Variants in DLGAP2 observed in about 807,000 individuals in gnomAD.
The protein encoded by DLGAP2 is DLG associated protein 2.
Under a neutral mutation model 100.3 loss-of-function variants are expected in DLGAP2, and 26 were observed. That is an observed-to-expected ratio of 0.26 (90% CI 0.19 to 0.36). The LOEUF (loss-of-function observed/expected upper bound fraction) is 0.36, where lower values mean the gene tolerates loss of function less well. Ranked by LOEUF, DLGAP2 falls within the 10% of genes least tolerant of loss-of-function variation. The probability of loss-of-function intolerance (pLI) is 1.00; values close to 1 mark genes in which losing one functional copy is unlikely to be tolerated. For missense variants in DLGAP2, 1,858 were observed against 1,453.2 expected, an observed-to-expected ratio of 1.28 and a Z score of -4.53; for synonymous variants, 886 against 630.1, an observed-to-expected ratio of 1.41 and a Z score of -6.08.
intron 2 of DLGAP2, among the ~76,000 whole-genome samples, chr8:967,765 G>GTATATATATATATATACA (rs1262660337): frequency 5.7e-5 from 3 of 52,638 alleles, no homozygotes; most frequent in African/African-American, 2.0e-4. Context: ...ACAAAGAGGT[G>GTATATATATATATATACA]TATATATATA....
chr8:1,685,027 C>T (rs1281505244), intron 12 of DLGAP2, among the ~76,000 whole-genome samples: 5 of 152,134 alleles, frequency 3.3e-5, no homozygotes, highest in Non-Finnish European at 5.9e-5. Context: ...TAGGGATTTG[C>T]TCACTAAGTT....
At chr8:1,426,139 A>C (rs1467639726) in intron 3 of DLGAP2, among the ~76,000 whole-genome samples, 1 of 152,114 alleles carries the variant, frequency 6.6e-6, no homozygotes, top group Non-Finnish European at 1.5e-5. Context: ...CTGCTGGAGA[A>C]ACTCACCTCA....
At chr8:932,145 G>A (rs946954634) in intron 2 of DLGAP2, among the ~76,000 whole-genome samples, 7 of 152,150 alleles carry the variant, frequency 4.6e-5, no homozygotes, top group African/African-American at 7.2e-5. Flanking sequence ...TGTTTTTGTC[G>A]ACAAACCTTT....
intron 3 of DLGAP2, among the ~76,000 whole-genome samples, chr8:1,440,966 A>C (rs1797812996): frequency 6.6e-6 from 1 of 152,242 alleles, no homozygotes; most frequent in Admixed American, 6.5e-5. Flanking sequence ...ACGTAAGTCT[A>C]CATGAAACCC....
At chr8:1,372,913 T>C (rs147055457) in intron 3 of DLGAP2, among the ~76,000 whole-genome samples, 1 of 152,344 alleles carries the variant, frequency 6.6e-6, no homozygotes, top group East Asian at 1.9e-4. Flanking sequence ...TAAAGATCCG[T>C]ACGGGGCACT....
At chr8:1,440,607 A>G (rs1235549183) in intron 3 of DLGAP2, among the ~76,000 whole-genome samples, 1 of 152,234 alleles carries the variant, frequency 6.6e-6, no homozygotes, top group Admixed American at 6.5e-5. Context: ...CAGAAATTTT[A>G]GAAGACTCAT....
intron 5 of DLGAP2, among the ~76,000 whole-genome samples, chr8:1,557,449 G>A (rs1208709232): frequency 1.3e-5 from 2 of 152,120 alleles, no homozygotes; most frequent in Non-Finnish European, 2.9e-5. Context: ...CACAGGATGG[G>A]GCAGAGGGCA....
At chr8:1,009,589 G>C (rs1801217458) in intron 2 of DLGAP2, among the ~76,000 whole-genome samples, 1 of 152,168 alleles carries the variant, frequency 6.6e-6, no homozygotes, top group Non-Finnish European at 1.5e-5. Context: ...GAAGTGGATG[G>C]AGTCAGTGAT....
At chr8:822,232 G>A (rs371569182) in intron 1 of DLGAP2, 4 of 399,276 alleles carry the variant, frequency 1.0e-5, no homozygotes, top group African/African-American at 4.1e-5. Flanking sequence ...GTGTGTGTCC[G>A]TCTTGCGGTC....
chr8:763,280 G>C (rs576551731), intron 1 of DLGAP2, among the ~76,000 whole-genome samples: 1 of 152,174 alleles, frequency 6.6e-6, no homozygotes, highest in Non-Finnish European at 1.5e-5. Flanking sequence ...TATTGAGAAG[G>C]TTGCTTGTTA....
rs746036413 is a variant in DLGAP2, at chr8:1,632,944, C to G, written c.1708C>G (p.His570Asp). 1 of 1,613,948 alleles carries G rather than the reference C, an allele frequency of 6.2e-7. No homozygotes were observed. The highest frequency in any genetic ancestry group is 8.5e-7 in the Non-Finnish European group (1 of 1,179,882). The change falls in exon 8 of 15, where the codon CAC becomes GAC. Residue 570 changes from histidine (H) to aspartate (D), a missense_variant. Coordinates refer to ENST00000637795, the MANE Select transcript of DLGAP2 (RefSeq NM_001346810.2). ...CCCGGGATGTTTCCGAACAAGGAGTCACAGCTACCTTCGAGCCATTCAAGC... is the reference window on the plus strand; with the variant it reads ...CCCGGGATGTTTCCGAACAAGGAGTGACAGCTACCTTCGAGCCATTCAAGC... Reference protein sequence around the residue: ...DLPGCFRTRSHSYLRAIQAGY... With the variant: ...DLPGCFRTRSDSYLRAIQAGY...
chr8:1,683,295 T>C (rs755113655), intron 12 of DLGAP2, among the ~76,000 whole-genome samples: 1 of 151,486 alleles, frequency 6.6e-6, no homozygotes, highest in South Asian at 2.1e-4. Context: ...TGGTGGATGG[T>C]GGTGACTGAA....
intron 2 of DLGAP2, among the ~76,000 whole-genome samples, chr8:1,210,508 G>C (rs2116784351): frequency 6.6e-6 from 1 of 152,346 alleles, no homozygotes; most frequent in Non-Finnish European, 1.5e-5. Context: ...AGGCAGCTCA[G>C]CTCTGCTGAA....
intron 2 of DLGAP2, among the ~76,000 whole-genome samples, chr8:1,021,520 A>G (rs773127993): frequency 6.6e-6 from 1 of 152,228 alleles, no homozygotes; most frequent in Non-Finnish European, 1.5e-5. Flanking sequence ...TCCCCTAATT[A>G]TAGATCAACA....
intron 3 of DLGAP2, among the ~76,000 whole-genome samples, chr8:1,320,643 A>G (rs1307598480): frequency 2.0e-5 from 3 of 152,180 alleles, no homozygotes; most frequent in Non-Finnish European, 4.4e-5. Context: ...GACTAATTGC[A>G]GGTGTCCCCA....
intron 2 of DLGAP2, among the ~76,000 whole-genome samples, chr8:951,377 C>G (rs751468168): frequency 6.6e-6 from 1 of 151,874 alleles, no homozygotes; most frequent in Non-Finnish European, 1.5e-5. Context: ...CCCAAGTAGC[C>G]AGGATTACAG....
rs113890361 is a variant in DLGAP2 at position 881,494 on chromosome 8, C to T, written c.19-26418C>T. Among the ~76,000 whole-genome samples the T allele has an allele frequency of 6.7e-4, 41 of 60,826 alleles. 11 individuals carry two copies. The highest frequency in any genetic ancestry group is 7.5e-4 in the Non-Finnish European group (20 of 26,766). The allele number at this position is 60,826 out of a possible 152,430, so 39.9% of individuals were successfully genotyped here. A position where few individuals can be genotyped will look rare whatever the true frequency, so the allele number is the denominator to read the frequency against. The stretch of plus-strand genomic sequence containing the variant: ...TCATCCTCTCCTTACCATTTCATCT[C>T]TCTTTTTTTTTTTTTTTTTTTTTGA... On this transcript the variant is annotated intron_variant, in intron 1 of 14. Coordinates refer to ENST00000637795, the MANE Select transcript of DLGAP2 (RefSeq NM_001346810.2).
intron 2 of DLGAP2, chr8:1,019,749 C>G (rs1423656729): frequency 1.3e-5 from 2 of 152,134 alleles, no homozygotes; most frequent in Non-Finnish European, 1.5e-5. Flanking sequence ...TGAGGTGTAC[C>G]CACTTCTGCC....
At chr8:1,312,760 T>C (rs1018420476) in intron 3 of DLGAP2, among the ~76,000 whole-genome samples, 5 of 152,208 alleles carry the variant, frequency 3.3e-5, no homozygotes, top group South Asian at 2.1e-4. Flanking sequence ...ATTCATCCCA[T>C]AGAAGTGCCC....
Sources: gnomAD v4.1 joint callset for allele counts (sites outside exome capture counted in the v4.1 genomes callset) on GRCh38, gnomAD v4.1.1 for gene constraint, MANE v1.5 for transcripts, NCBI Gene and HGNC (gene_info 2026-07-23, HGNC 2026-07-21) for gene names.